The following TARS3 variants were observed in gnomAD, a reference collection of about 807,000 sequenced individuals.
TARS3 encodes the protein threonine--tRNA ligase 2, cytoplasmic.
A neutral mutation model predicts 103.5 loss-of-function variants in TARS3; 94 were observed. The observed-to-expected ratio is 0.91, with a 90% CI of 0.77 to 1.08. The LOEUF (loss-of-function observed/expected upper bound fraction) is 1.08, where lower values mean the gene tolerates loss of function less well. TARS3 is among the 50% of genes least tolerant of loss of function. The pLI, the probability that TARS3 is intolerant of heterozygous loss-of-function variation, is 0.00. For synonymous variants in TARS3, 416 were observed against 355.4 expected (o/e 1.17, Z -1.92); for missense variants, 952 against 995.2 (o/e 0.96, Z 0.58).
chr15:101,684,029 A>G (rs907462483), intron 12 of TARS3, 46 bp downstream of exon 12: 23 of 1,576,472 alleles, frequency 1.5e-5, no homozygotes, highest in Middle Eastern at 3.5e-4. Flanking sequence ...GCGGGGCATC[A>G]CACTCAATTT....
At position 101,724,357 on chromosome 15, in the gene TARS3, C is replaced by T. The variant is rs778333315; in HGVS notation, c.31G>A (p.Val11Met). The change falls in exon 1 of 19, where the codon GTG becomes ATG. Residue 11 changes from valine (V) to methionine (M), a missense_variant. Coordinates refer to ENST00000335968, the MANE Select transcript of TARS3 (RefSeq NM_152334.3). MAAEALAAEA[V>M]ASRLERQEED... ...TCCTGCCGCTCCAGGCGCGACGCCA[C>T]GGCCTCCGCCGCCAGGGCCTCGGCC... The T allele has an allele frequency of 1.9e-6, 3 of 1,540,068 alleles. No individual in the cohort carries two copies. The highest frequency in any genetic ancestry group is 3.8e-5 in the Admixed American group (2 of 52,508).
chr15:101,660,373 G>C (rs1004411960), intron 16 of TARS3, among the ~76,000 whole-genome samples: 1 of 152,218 alleles, frequency 6.6e-6, no homozygotes, highest in African/African-American at 2.4e-5. Flanking sequence ...ATAACTGCTA[G>C]TAAAGCCACT....
Position 101,654,423 on chromosome 15 carries a change from C to T in TARS3, c.*159G>A, listed in dbSNP as rs531604232. On this transcript the variant is annotated 3_prime_UTR_variant, in exon 19 of 19. Transcript: ENST00000335968. ...CCGTGGACATGAGTAAATTAAACTT[C>T]GTGCATGTCAGCTACACGTTCATCG... 57 of 730,234 alleles carry T rather than the reference C, an allele frequency of 7.8e-5. No homozygotes were observed. The South Asian group carries it at 1.3e-3, about 17-fold the overall frequency. The allele number at this position is 730,234 out of a possible 1,614,324, so 45.2% of individuals were successfully genotyped here. A position where few individuals can be genotyped will look rare whatever the true frequency, so the allele number is the denominator to read the frequency against.
At chr15:101,699,527 C>T (rs1381369229) in intron 10 of TARS3, 5 of 443,816 alleles carry the variant, frequency 1.1e-5, no homozygotes, top group East Asian at 7.1e-5. Context: ...GTACAAGGTG[C>T]CAGGGGCCAT....
At chr15:101,700,639 C>G (rs1312488020) in intron 10 of TARS3, among the ~76,000 whole-genome samples, 2 of 148,820 alleles carry the variant, frequency 1.3e-5, no homozygotes, top group Non-Finnish European at 3.0e-5. Context: ...AATCTAGTAC[C>G]TCACTTTTTT....
chr15:101,705,528 C>A (rs1167482185), intron 7 of TARS3, among the ~76,000 whole-genome samples, 155 bp downstream of exon 7: 2 of 152,186 alleles, frequency 1.3e-5, no homozygotes, highest in African/African-American at 4.8e-5. Context: ...ATAATCATTT[C>A]TCTTTAGTGA....
At chr15:101,685,592 A>T (rs1898435299) in intron 11 of TARS3, among the ~76,000 whole-genome samples, 1 of 152,208 alleles carries the variant, frequency 6.6e-6, no homozygotes, top group Non-Finnish European at 1.5e-5. Flanking sequence ...AAATATGAAC[A>T]TGTGAAGTGC....
intron 18 of TARS3, chr15:101,655,943 C>G: frequency 7.8e-7 from 1 of 1,289,216 alleles, no homozygotes; most frequent in Non-Finnish European, 1.0e-6. Context: ...AAAGTTTGTT[C>G]TCTCTAGTGA....
chr15:101,683,553 A>G (rs1453536370), intron 12 of TARS3, among the ~76,000 whole-genome samples: 1 of 152,196 alleles, frequency 6.6e-6, no homozygotes, highest in South Asian at 2.1e-4. Flanking sequence ...CTGGGTGTAC[A>G]CACATGTGTA....
rs1445298276 is a variant in TARS3, at chr15:101,724,322, G to A, written c.66C>T (p.Ile22=). Residue 22 remains isoleucine (I), a synonymous_variant, in exon 1 of 19, where the codon ATC becomes ATT. Coordinates refer to ENST00000335968, the MANE Select transcript of TARS3 (RefSeq NM_152334.3). ...GCTCGACCTCCGACCACAGCCAGCGGATGTCCTCCTCCTGCCGCTCCAGGC... is the reference window on the plus strand; with the variant it reads ...GCTCGACCTCCGACCACAGCCAGCGAATGTCCTCCTCCTGCCGCTCCAGGC... ...ASRLERQEED[I]RWLWSEVERL... is the part of the protein sequence containing the mutation. 1 of 1,566,108 alleles carries A rather than the reference G, an allele frequency of 6.4e-7. No homozygotes were observed. Among genetic ancestry groups the A allele is most frequent in the Non-Finnish European group, 8.6e-7 (1 of 1,162,960 alleles).
At chr15:101,665,904 G>C (rs920464375) in intron 15 of TARS3, among the ~76,000 whole-genome samples, 22 of 152,152 alleles carry the variant, frequency 1.4e-4, no homozygotes, top group African/African-American at 5.1e-4. Flanking sequence ...TTTTACTTTG[G>C]GAAGCGTTAA....
At chr15:101,661,170 T>C (rs1318557498) in intron 16 of TARS3, among the ~76,000 whole-genome samples, 1 of 30,158 alleles carries the variant, frequency 3.3e-5, no homozygotes, top group Non-Finnish European at 9.8e-5. Flanking sequence ...CCACTCAAAA[T>C]TCTGCACTTT....
chr15:101,666,322 A>C (rs536944040), intron 15 of TARS3, among the ~76,000 whole-genome samples: 1 of 151,982 alleles, frequency 6.6e-6, no homozygotes, highest in Non-Finnish European at 1.5e-5. Flanking sequence ...CTAAAAATAC[A>C]AAGTTTAGCC....
At chr15:101,697,532 C>T (rs918601832) in intron 10 of TARS3, among the ~76,000 whole-genome samples, 1 of 152,006 alleles carries the variant, frequency 6.6e-6, no homozygotes, top group Admixed American at 6.6e-5. Flanking sequence ...ACTTTTTGAG[C>T]CAAGTTTAGA....
intron 15 of TARS3, among the ~76,000 whole-genome samples, chr15:101,670,409 CAT>C: frequency 6.6e-6 from 1 of 152,182 alleles, no homozygotes; most frequent in African/African-American, 2.4e-5. Flanking sequence ...CAAGTAAGCA[CAT>C]GAAAAGATGT....
chr15:101,660,294 G>A (rs1391221564), intron 16 of TARS3, among the ~76,000 whole-genome samples: 5 of 152,212 alleles, frequency 3.3e-5, no homozygotes, highest in African/African-American at 9.7e-5. Flanking sequence ...TTCACAGGTG[G>A]TTGCTGGTTT....
At chr15:101,704,056 A>G (rs1899418849) in intron 7 of TARS3, 119 bp from the exon 8 acceptor site, 4 of 636,946 alleles carry the variant, frequency 6.3e-6, no homozygotes, top group Non-Finnish European at 1.0e-5. Flanking sequence ...TAGCAATGCC[A>G]TTTTTAATTT....
chr15:101,722,545 G>A (rs1285863077), intron 2 of TARS3, among the ~76,000 whole-genome samples: 2 of 144,780 alleles, frequency 1.4e-5, no homozygotes, highest in African/African-American at 2.6e-5. Context: ...GGTGGCTCAC[G>A]CCTGTAATCC....
intron 12 of TARS3, among the ~76,000 whole-genome samples, chr15:101,679,909 C>A (rs1390445292): frequency 1.3e-5 from 2 of 152,172 alleles, no homozygotes; most frequent in Non-Finnish European, 2.9e-5. Flanking sequence ...TCTAGCCCCC[C>A]TCCATGGCCT....
Sources: allele counts gnomAD v4.1 joint callset (sites outside exome capture counted in the v4.1 genomes callset), GRCh38; gene constraint gnomAD v4.1.1; transcripts MANE v1.5; gene names NCBI Gene and HGNC (gene_info 2026-07-23, HGNC 2026-07-21).